Variants in SGIP1 observed in about 807,000 individuals in gnomAD.
SGIP1 encodes the protein SH3GL interacting endocytic adaptor 1.
A neutral mutation model predicts 107.5 loss-of-function variants in SGIP1; 38 were observed. The ratio of observed to expected loss-of-function variants is 0.35; its 90% CI spans 0.27 to 0.46. SGIP1 has a LOEUF of 0.46. Among genes scored for constraint, SGIP1 ranks in the 20% least tolerant of loss-of-function variants. SGIP1 has a pLI of 1.00. For missense variants in SGIP1, 929 were observed against 1,019.5 expected, an observed-to-expected ratio of 0.91 and a Z score of 1.21; for synonymous variants, 365 against 366.1, an observed-to-expected ratio of 1.00 and a Z score of 0.03.
At chr1:66,596,472 G>A (rs2064733019) in intron 1 of SGIP1, among the ~76,000 whole-genome samples, 1 of 151,950 alleles carries the variant, frequency 6.6e-6, no homozygotes, top group Non-Finnish European at 1.5e-5. Flanking sequence ...CTCAGATGTG[G>A]GCACAACAGT....
At chr1:66,672,163 A>G (rs2083975263) in intron 11 of SGIP1, among the ~76,000 whole-genome samples, 168 bp downstream of exon 11, 1 of 152,188 alleles carries the variant, frequency 6.6e-6, no homozygotes, top group Non-Finnish European at 1.5e-5. Context: ...TATTTTTCAT[A>G]AGTGCAGCCC....
In SGIP1 at chr1:66,554,622, T is replaced by G. The variant is rs138954820; in HGVS notation, c.10+20254T>G. On this transcript the variant is annotated intron_variant, in intron 1 of 24. Transcript: ENST00000371037. ...AAATTATTTAAAATAGTGCTTAGAA[T>G]TACCTTCAGGCTATGTTTATAAGGT... is the stretch of plus-strand genomic sequence containing the variant. Among the ~76,000 whole-genome samples the G allele has an allele frequency of 2.3e-3, 353 of 152,272 alleles. 2 individuals are homozygous for G. The highest frequency in any genetic ancestry group is 8.3e-3 in the African/African-American group (343 of 41,572).
At chr1:66,613,738 C>T (rs761731846) in intron 1 of SGIP1, among the ~76,000 whole-genome samples, 8 of 152,206 alleles carry the variant, frequency 5.3e-5, no homozygotes, top group Non-Finnish European at 1.0e-4. Context: ...AATGCATATA[C>T]GCACCTTTGA....
chr1:66,620,831 T>C (rs12120279), intron 1 of SGIP1, among the ~76,000 whole-genome samples: 22,574 of 152,278 alleles, frequency 0.15, 2,195 homozygotes, highest in East Asian at 0.46. Flanking sequence ...TTTTTCTGTT[T>C]CATTTTAAAA....
chr1:66,594,732 G>T (rs2064280762), intron 1 of SGIP1, among the ~76,000 whole-genome samples: 2 of 152,122 alleles, frequency 1.3e-5, no homozygotes, highest in South Asian at 4.1e-4. Context: ...CGCACACTGA[G>T]GGCATCCCTC....
At chr1:66,640,294 C>T (rs2076535308) in intron 5 of SGIP1, among the ~76,000 whole-genome samples, 1 of 152,164 alleles carries the variant, frequency 6.6e-6, no homozygotes. Context: ...ATTTGCAAAA[C>T]ATTTCAGTAA....
At chr1:66,653,777 CA>C (rs1297882891) in intron 7 of SGIP1, among the ~76,000 whole-genome samples, 1 of 152,092 alleles carries the variant, frequency 6.6e-6, no homozygotes, top group African/African-American at 2.4e-5. Flanking sequence ...TAATTGCAAT[CA>C]AAAAACGCTA....
At chr1:66,558,728 G>GT (rs1557880424) in intron 1 of SGIP1, among the ~76,000 whole-genome samples, 1 of 150,540 alleles carries the variant, frequency 6.6e-6, no homozygotes, top group African/African-American at 2.4e-5. Flanking sequence ...CCTTCAGTTT[G>GT]TTTTTTCTCA....
At chr1:66,701,977 C>T (rs371085654) in intron 18 of SGIP1, among the ~76,000 whole-genome samples, 74 of 152,296 alleles carry the variant, frequency 4.9e-4, no homozygotes, top group African/African-American at 1.7e-3. Context: ...CAAGGAGTAC[C>T]TAGTTGGTGA....
intron 7 of SGIP1, among the ~76,000 whole-genome samples, chr1:66,659,046 G>A (rs181877349): frequency 7.9e-5 from 12 of 152,284 alleles, no homozygotes; most frequent in Admixed American, 5.2e-4. Context: ...AACGGAGGAC[G>A]ATGAGGATGG....
At chr1:66,686,766 T>C (rs2088419926) in intron 15 of SGIP1, among the ~76,000 whole-genome samples, 1 of 152,236 alleles carries the variant, frequency 6.6e-6, no homozygotes, top group South Asian at 2.1e-4. Context: ...GAAAAAGTGA[T>C]TTCAATGGGG....
intron 1 of SGIP1, among the ~76,000 whole-genome samples, chr1:66,597,702 C>T (rs11208917): frequency 0.046 from 7,073 of 152,126 alleles, 500 homozygotes; most frequent in African/African-American, 0.15. Flanking sequence ...ATGGAACCCC[C>T]GAGTCAGCAT....
chr1:66,714,909 G>A (rs1204295276), intron 18 of SGIP1, among the ~76,000 whole-genome samples: 1 of 152,028 alleles, frequency 6.6e-6, no homozygotes, highest in Admixed American at 6.6e-5. Flanking sequence ...ACACTTTTCT[G>A]GTTTTAGCCC....
Position 66,534,325 on chromosome 1 carries a change from C to G in SGIP1, c.-34C>G, listed in dbSNP as rs757668289. On this transcript the variant is annotated 5_prime_UTR_variant, in exon 1 of 25. Coordinates refer to ENST00000371037, the MANE Select transcript of SGIP1 (RefSeq NM_032291.4). ...TCGTATCCTCCTGTGTTTTTTCAGA[C>G]TCCTTGGAAATTAAGGAATGCAATT... The G allele has an allele frequency of 6.2e-7, 1 of 1,613,428 alleles. No individual in the cohort carries two copies. Among genetic ancestry groups the G allele is most frequent in the South Asian group, 1.1e-5 (1 of 91,072 alleles).
chr1:66,567,953 G>A (rs1438123569), intron 1 of SGIP1, among the ~76,000 whole-genome samples: 1 of 152,024 alleles, frequency 6.6e-6, no homozygotes, highest in African/African-American at 2.4e-5. Context: ...CTCCAGCTTT[G>A]TTCTTTTTGC....
At chr1:66,624,623 T>C (rs72918462) in intron 1 of SGIP1, among the ~76,000 whole-genome samples, 2,724 of 152,284 alleles carry the variant, frequency 0.018, 78 homozygotes, top group African/African-American at 0.062. Context: ...CTGACTCACA[T>C]GTTTTGGAAA....
intron 17 of SGIP1, chr1:66,694,783 A>G: frequency 2.9e-6 from 1 of 348,730 alleles, no homozygotes; most frequent in Non-Finnish European, 5.1e-6. Flanking sequence ...AGGAAAGAAT[A>G]ATTTAACTGC....
chr1:66,740,168 G>T (rs144101221), intron 22 of SGIP1, among the ~76,000 whole-genome samples: 2,228 of 152,210 alleles, frequency 0.015, 20 homozygotes, highest in Non-Finnish European at 0.02. Context: ...CTATAAAAAG[G>T]CACACTAGAG....
At chr1:66,577,823 A>G (rs2061291098) in intron 1 of SGIP1, among the ~76,000 whole-genome samples, 2 of 148,080 alleles carry the variant, frequency 1.4e-5, no homozygotes, top group Non-Finnish European at 3.0e-5. Flanking sequence ...AAAGAAGAGG[A>G]GGAGGAATAG....
Sources: allele counts gnomAD v4.1 joint callset (sites outside exome capture counted in the v4.1 genomes callset), GRCh38; gene constraint gnomAD v4.1.1; transcripts MANE v1.5; gene names NCBI Gene and HGNC (gene_info 2026-07-23, HGNC 2026-07-21).